GPHN: variants seen among roughly 807,000 people sequenced by gnomAD.
The protein encoded by GPHN is gephyrin.
A neutral mutation model predicts 95.5 loss-of-function variants in GPHN; 17 were observed. The ratio of observed to expected loss-of-function variants is 0.18; its 90% CI spans 0.12 to 0.27. The LOEUF (loss-of-function observed/expected upper bound fraction) is 0.27. GPHN is among the 10% of genes least tolerant of loss of function. The probability of loss-of-function intolerance (pLI) is 1.00; values close to 1 mark genes in which losing one functional copy is unlikely to be tolerated. For synonymous variants in GPHN, 320 were observed against 322.5 expected (o/e 0.99, Z 0.08); for missense variants, 660 against 978.1 (o/e 0.67, Z 4.34).
chr14:67,183,970 C>T (rs2083355406), downstream of GPHN, among the ~76,000 whole-genome samples: 1 of 152,138 alleles, frequency 6.6e-6, no homozygotes, highest in South Asian at 2.1e-4. Context: ...CCTTCCATCT[C>T]AGCCTCCTGA....
At chr14:67,450,609 G>A in the GPHN span, among the ~76,000 whole-genome samples, 5 of 152,230 alleles carry the variant, frequency 3.3e-5, no homozygotes, top group Non-Finnish European at 5.9e-5. Flanking sequence ...CTAGAGATTT[G>A]TGGAACTTTG....
At chr14:66,512,521 T>A (rs2058078386) in intron 1 of GPHN, among the ~76,000 whole-genome samples, 2 of 151,790 alleles carry the variant, frequency 1.3e-5, no homozygotes, top group Non-Finnish European at 3.0e-5. Flanking sequence ...AGGTACAAAT[T>A]TTTGGGAAAG....
At chr14:66,633,271 T>C (rs907714358) in intron 1 of GPHN, among the ~76,000 whole-genome samples, 2 of 152,154 alleles carry the variant, frequency 1.3e-5, no homozygotes, top group African/African-American at 4.8e-5. Context: ...CAATTTCTTA[T>C]AAGAAAAACA....
At chr14:67,600,414 G>C in the GPHN span, 1 of 518,298 alleles carries the variant, frequency 1.9e-6, no homozygotes, top group South Asian at 2.7e-5. Context: ...AAAAAACCTC[G>C]TCGGGGCAAT....
At chr14:67,434,816 G>A in the GPHN span, among the ~76,000 whole-genome samples, 1 of 152,148 alleles carries the variant, frequency 6.6e-6, no homozygotes, top group African/African-American at 2.4e-5. Flanking sequence ...CTGTTATTGA[G>A]TTGAGAAGTC....
At chr14:67,108,970 T>C (rs1480925374) in intron 13 of GPHN, among the ~76,000 whole-genome samples, 1 of 152,146 alleles carries the variant, frequency 6.6e-6, no homozygotes, top group East Asian at 1.9e-4. Flanking sequence ...AATTTTCTTG[T>C]TGTCCGACCA....
At chr14:67,198,346 A>ATTGGAACTTAACTC in the GPHN span, 1 of 1,587,800 alleles carries the variant, frequency 6.3e-7, no homozygotes, top group Non-Finnish European at 8.6e-7. Context: ...GGCCTGAGTT[A>ATTGGAACTTAACTC]AGTTCCAATA....
chr14:66,869,589 C>G (rs530120924), intron 4 of GPHN, among the ~76,000 whole-genome samples: 10 of 152,298 alleles, frequency 6.6e-5, no homozygotes, highest in African/African-American at 2.4e-4. Context: ...GGTTCTTGCT[C>G]TCCATTCTCT....
intron 6 of GPHN, among the ~76,000 whole-genome samples, chr14:66,917,398 G>A (rs1026263156): frequency 4.6e-5 from 7 of 152,134 alleles, no homozygotes; most frequent in African/African-American, 7.2e-5. Flanking sequence ...TGTTACAGTT[G>A]AGCTAAGAAA....
At chr14:66,719,703 G>C (rs78754944) in intron 2 of GPHN, among the ~76,000 whole-genome samples, 8 of 152,114 alleles carry the variant, frequency 5.3e-5, no homozygotes, top group African/African-American at 1.9e-4. Flanking sequence ...TGTGAAAAAC[G>C]TATATTCCCA....
At chr14:67,429,140 A>G in the GPHN span, among the ~76,000 whole-genome samples, 1 of 152,050 alleles carries the variant, frequency 6.6e-6, no homozygotes, top group Non-Finnish European at 1.5e-5. Context: ...AAATGGGATC[A>G]TTGTGTTAAT....
intron 9 of GPHN, among the ~76,000 whole-genome samples, chr14:67,011,966 A>G (rs1350574510): frequency 6.6e-6 from 1 of 152,188 alleles, no homozygotes; most frequent in African/African-American, 2.4e-5. Context: ...CCTCTATACT[A>G]GAAATATATA....
At chr14:67,235,714 CA>C in the GPHN span, among the ~76,000 whole-genome samples, 232 of 139,968 alleles carry the variant, frequency 1.7e-3, no homozygotes, top group East Asian at 9.2e-3. Flanking sequence ...GACTCCATCT[CA>C]AAAAAAAAAA....
At chr14:66,612,526 G>GT (rs1176822570) in intron 1 of GPHN, among the ~76,000 whole-genome samples, 2 of 151,964 alleles carry the variant, frequency 1.3e-5, no homozygotes, top group Non-Finnish European at 1.5e-5. Context: ...TTCTTGTTTC[G>GT]TTTTTGCATT....
chr14:66,753,369 T>G (rs1009218123), intron 2 of GPHN, among the ~76,000 whole-genome samples: 2 of 152,082 alleles, frequency 1.3e-5, no homozygotes, highest in Non-Finnish European at 2.9e-5. Context: ...TACTCATGAA[T>G]GAACCCAGCT....
intron 8 of GPHN, among the ~76,000 whole-genome samples, chr14:66,964,878 A>G (rs1395804317): frequency 6.6e-6 from 1 of 152,214 alleles, no homozygotes; most frequent in Non-Finnish European, 1.5e-5. Context: ...TAGGAATTAA[A>G]TAGCTTGCTC....
the GPHN span, among the ~76,000 whole-genome samples, chr14:67,272,579 C>A: frequency 3.3e-5 from 5 of 152,318 alleles, no homozygotes; most frequent in East Asian, 9.6e-4. Context: ...TTCTCCTCCT[C>A]CTCCTTTACC....
chr14:67,434,834 CA>C, the GPHN span, among the ~76,000 whole-genome samples: 1 of 152,074 alleles, frequency 6.6e-6, no homozygotes, highest in African/African-American at 2.4e-5. Context: ...GTCCAAGGTC[CA>C]GGGGGTGCAT....
chr14:67,108,290 G>A (rs2078161401), intron 13 of GPHN, among the ~76,000 whole-genome samples: 1 of 152,150 alleles, frequency 6.6e-6, no homozygotes, highest in Non-Finnish European at 1.5e-5. Context: ...GAGGAAAAGA[G>A]CAAGGGGAAT....
Sources: allele counts gnomAD v4.1 joint callset (sites outside exome capture counted in the v4.1 genomes callset), GRCh38; gene constraint gnomAD v4.1.1; transcripts MANE v1.5; gene names NCBI Gene and HGNC (gene_info 2026-07-23, HGNC 2026-07-21).